SUSD1: variants seen among roughly 807,000 people sequenced by gnomAD.
SUSD1 encodes sushi domain containing 1, also known as sushi domain-containing protein 1.
SUSD1 carries 65 observed loss-of-function variants against 86.9 expected under a neutral mutation model. That is an observed-to-expected ratio of 0.75 (90% CI 0.61 to 0.92). The LOEUF (loss-of-function observed/expected upper bound fraction) is 0.92, where lower values mean the gene tolerates loss of function less well. Among genes scored for constraint, SUSD1 ranks in the 40% least tolerant of loss-of-function variants. SUSD1 has a pLI of 0.00. For missense variants in SUSD1, 850 were observed against 929.7 expected, an observed-to-expected ratio of 0.91 and a Z score of 1.11; for synonymous variants, 346 against 350.0, an observed-to-expected ratio of 0.99 and a Z score of 0.13.
chr9:112,092,708 T>C (rs1000877754), intron 10 of SUSD1, among the ~76,000 whole-genome samples: 1 of 152,314 alleles, frequency 6.6e-6, no homozygotes, highest in South Asian at 2.1e-4. Context: ...AGACAGAATA[T>C]AAATACTCTT....
At chr9:112,141,736 A>C (rs1004044503) in intron 5 of SUSD1, among the ~76,000 whole-genome samples, 65 of 131,726 alleles carry the variant, frequency 4.9e-4, no homozygotes, top group Non-Finnish European at 7.1e-4. Context: ...ATTATATATA[A>C]TATATATTAC....
At position 112,062,809 on chromosome 9, in the gene SUSD1, C is replaced by A. The variant is rs1828790789; in HGVS notation, c.1850+128G>T. The stretch of plus-strand genomic sequence containing the variant: ...TGTACCCAAGGAAACAAAAGAGGCC[C>A]CAACTGCATTGTTCTAACCACCCAA... On this transcript the variant is annotated intron_variant, in intron 13 of 16. Coordinates refer to ENST00000374270, the MANE Select transcript of SUSD1 (RefSeq NM_022486.5). 2.0e-5 allele frequency: 11 copies of A among 555,986 alleles called. No homozygotes were observed. The South Asian group carries it at 3.2e-4, about 16-fold the overall frequency. 34.4% of individuals were successfully genotyped at this position (555,986 alleles called of 1,614,324 possible). A position where few individuals can be genotyped will look rare whatever the true frequency, so the allele number is the denominator to read the frequency against.
intron 10 of SUSD1, among the ~76,000 whole-genome samples, chr9:112,094,794 C>T (rs755628748): frequency 2.0e-5 from 3 of 152,154 alleles, no homozygotes; most frequent in Admixed American, 6.6e-5. Context: ...GAGAACTCTT[C>T]GTTTCTTCCT....
chr9:112,101,167 G>C (rs994487480), intron 9 of SUSD1, among the ~76,000 whole-genome samples: 1 of 151,908 alleles, frequency 6.6e-6, no homozygotes, highest in African/African-American at 2.4e-5. Context: ...TTTGAGACCA[G>C]CCTAGCCAAT....
intron 15 of SUSD1, among the ~76,000 whole-genome samples, chr9:112,047,893 G>T (rs1037537390): frequency 6.6e-6 from 1 of 152,150 alleles, no homozygotes; most frequent in Non-Finnish European, 1.5e-5. Context: ...AGACTCATGA[G>T]CTAAATAAAC....
chr9:112,088,843 C>T (rs898330661), intron 10 of SUSD1, among the ~76,000 whole-genome samples: 4 of 151,778 alleles, frequency 2.6e-5, no homozygotes, highest in African/African-American at 2.4e-5. Context: ...TGGTGGTTCC[C>T]GCCTGTAATC....
At chr9:112,111,061 T>A (rs1379679401) in intron 8 of SUSD1, among the ~76,000 whole-genome samples, 1 of 152,190 alleles carries the variant, frequency 6.6e-6, no homozygotes, top group African/African-American at 2.4e-5. Flanking sequence ...CAATCTCGGT[T>A]CACTCACTGC....
intron 12 of SUSD1, among the ~76,000 whole-genome samples, chr9:112,063,605 C>A (rs577836608): frequency 3.3e-5 from 5 of 152,308 alleles, no homozygotes; most frequent in Non-Finnish European, 7.3e-5. Flanking sequence ...ACAGAGCTCT[C>A]TGTCCTTATT....
chr9:112,118,328 T>G (rs1238399581), intron 6 of SUSD1, among the ~76,000 whole-genome samples: 2 of 152,202 alleles, frequency 1.3e-5, no homozygotes, highest in Admixed American at 1.3e-4. Flanking sequence ...CAGTGCCTAC[T>G]TGAATAAATG....
intron 1 of SUSD1, among the ~76,000 whole-genome samples, chr9:112,172,353 C>T (rs888692638): frequency 2.0e-5 from 3 of 152,142 alleles, no homozygotes; most frequent in African/African-American, 2.4e-5. Context: ...CTCTGCCTCT[C>T]GGCTTCCCAT....
At chr9:112,088,470 G>A (rs1056781436) in intron 10 of SUSD1, among the ~76,000 whole-genome samples, 1 of 152,198 alleles carries the variant, frequency 6.6e-6, no homozygotes, top group South Asian at 2.1e-4. Context: ...GGCAATAAAT[G>A]AATTAAAGTA....
At chr9:112,097,205 A>G (rs1830432268) in intron 10 of SUSD1, among the ~76,000 whole-genome samples, 1 of 151,640 alleles carries the variant, frequency 6.6e-6, no homozygotes, top group East Asian at 2.0e-4. Flanking sequence ...ATGCGCCTGT[A>G]GTCCCAGCTA....
At chr9:112,142,961 CTTTTTTT>C (rs529470594) in intron 4 of SUSD1, among the ~76,000 whole-genome samples, 18 of 30,206 alleles carry the variant, frequency 6.0e-4, no homozygotes, top group South Asian at 2.1e-3. Flanking sequence ...TGAATTTTAG[CTTTTTTT>C]TTTTTTTTTT....
intron 12 of SUSD1, among the ~76,000 whole-genome samples, chr9:112,077,190 G>A (rs536811790): frequency 6.6e-6 from 1 of 152,252 alleles, no homozygotes; most frequent in South Asian, 2.1e-4. Flanking sequence ...GTGCTGATCA[G>A]GGAAGAAGGG....
chr9:112,118,548 G>A (rs937304217), intron 6 of SUSD1, among the ~76,000 whole-genome samples: 2 of 152,182 alleles, frequency 1.3e-5, no homozygotes, highest in African/African-American at 2.4e-5. Flanking sequence ...GCAGTGGCAT[G>A]TTCTCAGCTG....
intron 15 of SUSD1, among the ~76,000 whole-genome samples, chr9:112,043,665 C>G (rs2118826030): frequency 6.6e-6 from 1 of 152,272 alleles, no homozygotes; most frequent in East Asian, 1.9e-4. Flanking sequence ...TGGGCGGTTA[C>G]TAATTCTCAA....
At chr9:112,095,017 ATGAAAAT>A (rs1830339220) in intron 10 of SUSD1, among the ~76,000 whole-genome samples, 1 of 152,210 alleles carries the variant, frequency 6.6e-6, no homozygotes, top group South Asian at 2.1e-4. Flanking sequence ...TCCAGGGAGA[ATGAAAAT>A]TGATAAAGCC....
Position 112,078,809 on chromosome 9 carries a change from C to CTGTTTTTTTTT in SUSD1, c.1567-86_1567-85insAAAAAAAAACA, listed in dbSNP as rs1554756866. 4 of 830,126 alleles carry CTGTTTTTTTTT rather than the reference C, an allele frequency of 4.8e-6. No individual in the cohort carries two copies. The African/African-American group carries it at 7.0e-5, about 15-fold the overall frequency. The allele number at this position is 830,126 out of a possible 1,614,324, so 51.4% of individuals were successfully genotyped here. A position where few individuals can be genotyped will look rare whatever the true frequency, so the allele number is the denominator to read the frequency against. ...AAACCTCCCCTTTTCCTTTTTCTTT[C>CTGTTTTTTTTT]TCTTTTTTTTTTTTTTTTTTTGAGA... On this transcript the variant is annotated intron_variant, in intron 11 of 16. Coordinates refer to ENST00000374270, the MANE Select transcript of SUSD1 (RefSeq NM_022486.5).
At position 112,058,472 on chromosome 9, in the gene SUSD1, T is replaced by G. The variant is rs752388662; in HGVS notation, c.2065A>C (p.Ser689Arg). The change falls in exon 14 of 17, where the codon AGT (serine) becomes CGT (arginine). Residue 689 changes from serine (S) to arginine (R), a missense_variant. Coordinates refer to ENST00000374270, the MANE Select transcript of SUSD1 (RefSeq NM_022486.5). Reference protein sequence around the residue: ...EYYNAPLKRGSDYCIILRITS... With the variant: ...EYYNAPLKRGRDYCIILRITS... ...ATTCGTAATATAATGCAGTAATCAC[T>G]CCCTCTTTTCAAGGGTGCATTATAA... is the stretch of plus-strand genomic sequence containing the variant. 3.7e-6 allele frequency: 6 copies of G among 1,614,136 alleles called. No individual in the cohort carries two copies. Among genetic ancestry groups the G allele is most frequent in the Non-Finnish European group, 5.1e-6 (6 of 1,179,990 alleles).
Sources: allele counts gnomAD v4.1 joint callset (sites outside exome capture counted in the v4.1 genomes callset), GRCh38; gene constraint gnomAD v4.1.1; transcripts MANE v1.5; gene names NCBI Gene and HGNC (gene_info 2026-07-23, HGNC 2026-07-21).